Variants in SLC7A11 observed in about 807,000 individuals in gnomAD.
The protein encoded by SLC7A11 is solute carrier family 7 member 11, also known as cystine/glutamate transporter.
Under a neutral mutation model 54.5 loss-of-function variants are expected in SLC7A11, and 35 were observed. The ratio of observed to expected loss-of-function variants is 0.64; its 90% confidence interval spans 0.49 to 0.85. SLC7A11 has a LOEUF of 0.85. Among genes scored for constraint, SLC7A11 ranks in the 40% least tolerant of loss-of-function variants. The pLI is 0.00. For missense variants in SLC7A11, 583 were observed against 618.1 expected (o/e 0.94, Z 0.60); for synonymous variants, 230 against 225.2 (o/e 1.02, Z -0.19).
intron 7 of SLC7A11, among the ~76,000 whole-genome samples, chr4:138,183,537 T>C (rs1298149109): frequency 6.6e-6 from 1 of 152,136 alleles, no homozygotes; most frequent in Non-Finnish European, 1.5e-5. Context: ...AAGCACCTTC[T>C]CTCTACTTTC....
chr4:138,200,502 C>T (rs1737250772), intron 6 of SLC7A11, among the ~76,000 whole-genome samples: 1 of 152,062 alleles, frequency 6.6e-6, no homozygotes, highest in African/African-American at 2.4e-5. Flanking sequence ...TCTCAAATGA[C>T]ATAGAGGTCA....
rs1332162983 is a variant in SLC7A11 at position 138,182,380 on chromosome 4, C to T, written c.1033G>A (p.Ala345Thr). 1.2e-6 allele frequency: 2 copies of T among 1,606,284 alleles called. No individual in the cohort carries two copies. Among genetic ancestry groups the T allele is most frequent in the Non-Finnish European group, 1.7e-6 (2 of 1,173,586 alleles). Residue 345 changes from alanine to threonine, a missense_variant, in exon 9 of 12, where the codon GCG becomes ACG. Physicochemically the swap from Ala to Thr is moderately conservative, Grantham distance 58. Transcript: ENST00000280612. ...TCTGGAAGGTGACCCTCTCGAGACG[C>T]AACATAGAATAACCTGATGGGAGAG... is the stretch of plus-strand genomic sequence containing the variant. ...VFAVSRLFYV[A>T]SREGHLPEIL... is the part of the protein sequence containing the mutation.
chr4:138,220,863 A>G (rs574842734), intron 4 of SLC7A11, among the ~76,000 whole-genome samples: 1 of 152,326 alleles, frequency 6.6e-6, no homozygotes, highest in South Asian at 2.1e-4. Flanking sequence ...ACTTATATAT[A>G]AATATAATAT....
At chr4:138,180,425 T>G (rs767984835) in intron 10 of SLC7A11, among the ~76,000 whole-genome samples, 17 of 152,044 alleles carry the variant, frequency 1.1e-4, no homozygotes, top group Non-Finnish European at 2.2e-4. Flanking sequence ...AAATTTGACA[T>G]ACAAAGTTCA....
chr4:138,231,650 A>G (rs1460803185), intron 3 of SLC7A11, among the ~76,000 whole-genome samples: 2 of 152,160 alleles, frequency 1.3e-5, no homozygotes, highest in Non-Finnish European at 2.9e-5. Context: ...CACTCATGCA[A>G]TTTTGTACAT....
chr4:138,186,764 G>A (rs573867708), intron 6 of SLC7A11, among the ~76,000 whole-genome samples: 28 of 152,266 alleles, frequency 1.8e-4, no homozygotes, highest in African/African-American at 6.0e-4. Flanking sequence ...CTGTTTCTTC[G>A]TAAGAAGGGC....
At chr4:138,182,217 A>G (rs1442221506) in intron 9 of SLC7A11, 80 bp downstream of exon 9, 8 of 873,996 alleles carry the variant, frequency 9.2e-6, no homozygotes, top group South Asian at 7.1e-5. Context: ...GTAAAATACT[A>G]TCTAATGTCT....
At chr4:138,212,156 C>A (rs775398557) in intron 6 of SLC7A11, among the ~76,000 whole-genome samples, 5 of 151,664 alleles carry the variant, frequency 3.3e-5, no homozygotes, top group Admixed American at 6.6e-5. Context: ...TTTTATGGAT[C>A]AAGAATGCAT....
Position 138,242,051 on chromosome 4 carries a change from CA to C in SLC7A11, c.18del (p.Val7CysfsTer34). 1 of 1,614,034 alleles carries C rather than the reference CA, an allele frequency of 6.2e-7. No individual in the cohort carries two copies. The highest frequency in any genetic ancestry group is 8.5e-7 in the Non-Finnish European group (1 of 1,179,934). MVRKP[V>X]VSTISKGGYL... ...TAACCTCCTTTGGAGATGGTGGACA[CA>C]ACAGGCTTTCTGACCATAGTAGGGA... On this transcript the variant is annotated frameshift_variant, in exon 1 of 12. Coordinates refer to ENST00000280612, the MANE Select transcript of SLC7A11 (RefSeq NM_014331.4). LOFTEE classifies it high-confidence loss of function.
chr4:138,237,720 TA>T (rs1738253735), intron 1 of SLC7A11, among the ~76,000 whole-genome samples: 29 of 9,188 alleles, frequency 3.2e-3, no homozygotes, highest in Non-Finnish European at 5.8e-3. Flanking sequence ...TATATATATA[TA>T]TATATATATA....
chr4:138,209,494 A>G (rs1010779078), intron 6 of SLC7A11, among the ~76,000 whole-genome samples: 5 of 151,954 alleles, frequency 3.3e-5, no homozygotes, highest in Admixed American at 1.3e-4. Context: ...TCACCCATCA[A>G]TATTTCTGGA....
chr4:138,218,220 AC>A (rs1049817832), intron 5 of SLC7A11, among the ~76,000 whole-genome samples: 65 of 152,338 alleles, frequency 4.3e-4, no homozygotes, highest in African/African-American at 1.4e-3. Flanking sequence ...AACTAAAAAA[AC>A]AAAAGGAATT....
intron 11 of SLC7A11, chr4:138,176,773 GAGAC>G (rs1736580227): frequency 6.6e-6 from 1 of 152,212 alleles, no homozygotes; most frequent in Admixed American, 6.6e-5. Context: ...GTTAGTATGG[GAGAC>G]AGACAGATTT....
chr4:138,182,392 A>G lies in SLC7A11; in HGVS notation c.1021T>C (p.Leu341=). 6.3e-7 allele frequency: 1 copy of G among 1,586,408 alleles called. No homozygotes were observed. Among genetic ancestry groups the G allele is most frequent in the Non-Finnish European group, 8.7e-7 (1 of 1,155,482 alleles). Residue 341 remains leucine, a splice_region_variant and synonymous_variant, in exon 9 of 12, where the codon TTA becomes CTA. Coordinates refer to ENST00000280612, the MANE Select transcript of SLC7A11 (RefSeq NM_014331.4). ...CCCTCTCGAGACGCAACATAGAATA[A>G]CCTGATGGGAGAGAAATGTGGGTGG... The part of the protein sequence containing the change: ...MNGGVFAVSR[L]FYVASREGHL...
At chr4:138,174,566 A>C (rs1736520714) in intron 11 of SLC7A11, 1 of 152,200 alleles carries the variant, frequency 6.6e-6, no homozygotes, top group Non-Finnish European at 1.5e-5. Flanking sequence ...CTCCTTCTAG[A>C]TTATCTTACA....
At chr4:138,199,643 T>C (rs1440773554) in intron 6 of SLC7A11, among the ~76,000 whole-genome samples, 1 of 152,094 alleles carries the variant, frequency 6.6e-6, no homozygotes, top group Non-Finnish European at 1.5e-5. Flanking sequence ...ACCCAGGTAT[T>C]GCTATAGAAA....
In SLC7A11 at chr4:138,171,853, T is replaced by G; in HGVS notation, c.*103A>C. ...AATAAAAATAACTGACTCCTTTTGT[T>G]TATCACCAAAGTTGTAATTCTCTAG... On this transcript the variant is annotated 3_prime_UTR_variant, in exon 12 of 12. Coordinates refer to ENST00000280612, the MANE Select transcript of SLC7A11 (RefSeq NM_014331.4). 2 of 1,432,824 alleles carry G rather than the reference T, an allele frequency of 1.4e-6. No homozygotes were observed. Among genetic ancestry groups the G allele is most frequent in the Non-Finnish European group, 1.9e-6 (2 of 1,071,886 alleles). 88.8% of individuals were successfully genotyped at this position (1,432,824 alleles called of 1,614,324 possible).
At chr4:138,239,776 A>G (rs1410763011) in intron 1 of SLC7A11, among the ~76,000 whole-genome samples, 1 of 152,218 alleles carries the variant, frequency 6.6e-6, no homozygotes, top group African/African-American at 2.4e-5. Flanking sequence ...CAATACTCAT[A>G]CTGATCTATT....
chr4:138,181,126 A>G (rs1376367305), intron 9 of SLC7A11, among the ~76,000 whole-genome samples: 2 of 152,110 alleles, frequency 1.3e-5, no homozygotes, highest in Admixed American at 1.3e-4. Flanking sequence ...ATGACTCAAA[A>G]TTGAAAGACT....
Sources: allele counts gnomAD v4.1 joint callset (sites outside exome capture counted in the v4.1 genomes callset), GRCh38; gene constraint gnomAD v4.1.1; transcripts MANE v1.5; gene names NCBI Gene and HGNC (gene_info 2026-07-23, HGNC 2026-07-21).